GRIK2: variants seen among roughly 807,000 people sequenced by gnomAD.
GRIK2 encodes the protein glutamate receptor ionotropic, kainate 2.
Under a neutral mutation model 100.3 loss-of-function variants are expected in GRIK2, and 32 were observed. The observed-to-expected ratio is 0.32, with a 90% confidence interval of 0.24 to 0.43. The LOEUF is 0.43. GRIK2 is among the 20% of genes least tolerant of loss of function. The pLI is 1.00. For missense variants in GRIK2, 843 were observed against 1,114.9 expected (o/e 0.76, Z 3.47); for synonymous variants, 417 against 389.4 (o/e 1.07, Z -0.83).
chr6:101,636,405 C>T (rs187501398), intron 4 of GRIK2, among the ~76,000 whole-genome samples: 152 of 152,064 alleles, frequency 1.0e-3, no homozygotes, highest in Middle Eastern at 3.4e-3. Flanking sequence ...AGGTAGATGA[C>T]GGCTTGATGG....
intron 4 of GRIK2, among the ~76,000 whole-genome samples, chr6:101,658,233 T>A (rs1208186253): frequency 1.3e-5 from 2 of 152,128 alleles, no homozygotes; most frequent in Admixed American, 1.3e-4. Flanking sequence ...GACCCTGGTG[T>A]GTGATGTTCT....
At chr6:101,828,667 C>T (rs1018261337) in intron 10 of GRIK2, among the ~76,000 whole-genome samples, 10 of 151,748 alleles carry the variant, frequency 6.6e-5, no homozygotes, top group Admixed American at 2.0e-4. Context: ...CTAGAAAATC[C>T]AGAGAAACTG....
At chr6:101,545,501 T>C (rs1412449522) in intron 2 of GRIK2, among the ~76,000 whole-genome samples, 2 of 152,202 alleles carry the variant, frequency 1.3e-5, no homozygotes, top group Non-Finnish European at 2.9e-5. Flanking sequence ...GAGAGTTTTT[T>C]TGAAAGATAA....
intron 2 of GRIK2, among the ~76,000 whole-genome samples, chr6:101,614,119 G>A (rs1779797559): frequency 1.3e-5 from 2 of 151,580 alleles, no homozygotes; most frequent in East Asian, 1.9e-4. Context: ...TTTACAGATT[G>A]TATGATTCTT....
intron 4 of GRIK2, among the ~76,000 whole-genome samples, chr6:101,627,526 A>G (rs532053631): frequency 6.7e-4 from 102 of 152,316 alleles, no homozygotes; most frequent in African/African-American, 2.3e-3. Flanking sequence ...TGAGTCAGTG[A>G]AACTTGCCAA....
intron 7 of GRIK2, among the ~76,000 whole-genome samples, chr6:101,690,637 C>T (rs188793613): frequency 2.1e-4 from 32 of 152,042 alleles, no homozygotes; most frequent in South Asian, 1.4e-3. Context: ...AGCTCATTTG[C>T]CAAGCCTAAA....
intron 14 of GRIK2, among the ~76,000 whole-genome samples, chr6:102,020,709 T>A (rs1769380682): frequency 6.6e-6 from 1 of 151,848 alleles, no homozygotes; most frequent in Non-Finnish European, 1.5e-5. Flanking sequence ...CAGAGAATAT[T>A]TGTCAATAGC....
intron 14 of GRIK2, among the ~76,000 whole-genome samples, chr6:101,960,520 G>T (rs987001139): frequency 1.3e-5 from 2 of 151,970 alleles, no homozygotes; most frequent in Admixed American, 6.6e-5. Flanking sequence ...TTCTCTTGAG[G>T]GCGTAACTGT....
At chr6:102,040,553 CT>C (rs1420547915) in intron 15 of GRIK2, among the ~76,000 whole-genome samples, 1 of 151,374 alleles carries the variant, frequency 6.6e-6, no homozygotes, top group Admixed American at 6.6e-5. Flanking sequence ...ATGTTAAATG[CT>C]TAAGATTCAC....
At position 102,065,388 on chromosome 6, in the gene GRIK2, T is replaced by G. The variant is rs576913367; in HGVS notation, c.2563-2959T>G. On this transcript the variant is annotated intron_variant, in intron 16 of 16. Transcript: ENST00000369134. Reference sequence around the variant, plus strand: ...TTGCTTAAAATGGTTTTAAATGTTCTTATTTGTAGTCTGAAGTAAGTATGG... The same window carrying G: ...TTGCTTAAAATGGTTTTAAATGTTCGTATTTGTAGTCTGAAGTAAGTATGG... Among the ~76,000 whole-genome samples the G allele has an allele frequency of 4.4e-4, 66 of 151,482 alleles. 1 individual carries two copies. Among genetic ancestry groups the G allele is most frequent in the Middle Eastern group, 3.4e-3 (1 of 290 alleles).
At chr6:102,001,884 C>A (rs914182699) in intron 14 of GRIK2, among the ~76,000 whole-genome samples, 5 of 151,678 alleles carry the variant, frequency 3.3e-5, no homozygotes, top group Admixed American at 3.3e-4. Flanking sequence ...TTCTAGCTAT[C>A]TTTCTGTTAA....
intron 2 of GRIK2, among the ~76,000 whole-genome samples, chr6:101,598,431 A>C (rs1191919391): frequency 2.0e-5 from 3 of 151,566 alleles, no homozygotes; most frequent in Non-Finnish European, 4.4e-5. Context: ...GTAATCTTAG[A>C]AAACTTACTT....
At chr6:101,447,695 C>T (rs1281211377) in intron 2 of GRIK2, among the ~76,000 whole-genome samples, 1 of 151,628 alleles carries the variant, frequency 6.6e-6, no homozygotes, top group Non-Finnish European at 1.5e-5. Context: ...TTATGACCAT[C>T]TTGAACTATT....
intron 14 of GRIK2, among the ~76,000 whole-genome samples, chr6:101,929,102 G>A (rs115894488): frequency 0.013 from 1,986 of 152,142 alleles, 50 homozygotes; most frequent in African/African-American, 0.045. Context: ...TTATCTATAC[G>A]TTCACCAAGG....
chr6:101,505,053 T>C (rs985502946), intron 2 of GRIK2, among the ~76,000 whole-genome samples: 1 of 114,926 alleles, frequency 8.7e-6, no homozygotes, highest in Middle Eastern at 4.6e-3. Context: ...GTCATTAAGT[T>C]TTTTTTGTTT....
intron 2 of GRIK2, among the ~76,000 whole-genome samples, chr6:101,532,256 A>C (rs1775478675): frequency 6.6e-6 from 1 of 151,952 alleles, no homozygotes; most frequent in South Asian, 2.1e-4. Context: ...TCTATTCTGA[A>C]GAATTCCCAT....
chr6:101,585,643 C>T (rs370940789), intron 2 of GRIK2, among the ~76,000 whole-genome samples: 29 of 152,122 alleles, frequency 1.9e-4, no homozygotes, highest in African/African-American at 6.5e-4. Context: ...ATATGGTGCT[C>T]TAGGCAAAGA....
chr6:101,829,908 A>C (rs951257119), intron 10 of GRIK2, among the ~76,000 whole-genome samples: 1 of 152,000 alleles, frequency 6.6e-6, no homozygotes, highest in Non-Finnish European at 1.5e-5. Flanking sequence ...TTTTTCATAG[A>C]ATTTGAAAAA....
intron 2 of GRIK2, among the ~76,000 whole-genome samples, chr6:101,607,833 C>T (rs1015106455): frequency 6.6e-6 from 1 of 151,542 alleles, no homozygotes; most frequent in Non-Finnish European, 1.5e-5. Context: ...TCATTCTTTT[C>T]CCAAAATGAA....
Sources: allele counts gnomAD v4.1 joint callset (sites outside exome capture counted in the v4.1 genomes callset), GRCh38; gene constraint gnomAD v4.1.1; transcripts MANE v1.5; gene names NCBI Gene and HGNC (gene_info 2026-07-23, HGNC 2026-07-21).